Variants in OSMR observed in about 807,000 individuals in gnomAD.
OSMR encodes the protein oncostatin M receptor, also known as oncostatin-M-specific receptor subunit beta.
OSMR carries 81 observed loss-of-function variants against 99.9 expected under a neutral mutation model. That is an observed-to-expected ratio of 0.81 (90% CI 0.68 to 0.97). OSMR has a LOEUF of 0.97. Among genes scored for constraint, OSMR ranks in the 50% least tolerant of loss-of-function variants. The pLI is 0.00. For synonymous variants in OSMR, 406 were observed against 410.4 expected, an observed-to-expected ratio of 0.99 and a Z score of 0.13; for missense variants, 1,099 against 1,153.4, an observed-to-expected ratio of 0.95 and a Z score of 0.68.
intron 12 of OSMR, among the ~76,000 whole-genome samples, chr5:38,922,777 T>A (rs1406786223): frequency 1.3e-5 from 2 of 152,102 alleles, no homozygotes; most frequent in Non-Finnish European, 2.9e-5. Context: ...TTCATTCTTT[T>A]TTGGGGGGTG....
rs1328328871 is a variant in OSMR at position 38,883,619 on chromosome 5, G to A, written c.419-208G>A. 5 of 751,274 alleles carry A rather than the reference G, an allele frequency of 6.7e-6. No homozygotes were observed. In the Admixed American group the frequency reaches 2.5e-4, roughly 38 times the overall value. The allele number at this position is 751,274 out of a possible 1,614,324, so 46.5% of individuals were successfully genotyped here. A position where few individuals can be genotyped will look rare whatever the true frequency, so the allele number is the denominator to read the frequency against. On this transcript the variant is annotated intron_variant, in intron 4 of 17. Coordinates refer to ENST00000274276, the MANE Select transcript of OSMR (RefSeq NM_003999.3). Reference sequence around the variant, plus strand: ...GTCTGTGGCAGTAAGAGCAACAGCAGTGGTATCAGTGTAACAATAGGAGCA... The same window carrying A: ...GTCTGTGGCAGTAAGAGCAACAGCAATGGTATCAGTGTAACAATAGGAGCA...
intron 1 of OSMR, among the ~76,000 whole-genome samples, chr5:38,868,426 C>T (rs1016032566): frequency 6.6e-5 from 10 of 152,162 alleles, no homozygotes; most frequent in Admixed American, 6.5e-4. Flanking sequence ...CCAGAATTCC[C>T]ACGTGTTGTG....
At chr5:38,852,741 T>TTTTTA in intron 1 of OSMR, among the ~76,000 whole-genome samples, 1 of 102,004 alleles carries the variant, frequency 9.8e-6, no homozygotes, top group Admixed American at 1.0e-4. Context: ...TTTTTTTTTT[T>TTTTTA]TTTTTTTGAG....
At chr5:38,883,765 C>T in intron 4 of OSMR, 62 bp from the exon 5 acceptor site, 1 of 1,610,768 alleles carries the variant, frequency 6.2e-7, no homozygotes, top group Non-Finnish European at 8.5e-7. Context: ...AAATGGATAA[C>T]TTGTTTTAAG....
rs569074973 is a variant in OSMR at position 38,853,226 on chromosome 5, C to T, written c.-14+6839C>T. ...ATGGTTTTATTCCTTGCATTGATAT[C>T]TTTGTTCATCTGGAATTTATTTTGC... On this transcript the variant is annotated intron_variant, in intron 1 of 17. Transcript: ENST00000274276. Among the ~76,000 whole-genome samples the T allele has an allele frequency of 6.6e-5, 10 of 152,158 alleles. No individual in the cohort carries two copies. In the South Asian group the frequency reaches 1.7e-3, roughly 25 times the overall value.
chr5:38,920,479 C>T (rs567103037), intron 11 of OSMR, among the ~76,000 whole-genome samples: 12 of 152,164 alleles, frequency 7.9e-5, no homozygotes, highest in Non-Finnish European at 1.6e-4. Flanking sequence ...TGAAAAATGT[C>T]GGCCTTAATA....
chr5:38,897,074 G>C (rs1008402159), intron 7 of OSMR, among the ~76,000 whole-genome samples: 1 of 151,910 alleles, frequency 6.6e-6, no homozygotes. Context: ...GAGGATTTTT[G>C]TATCAATATT....
chr5:38,939,208 A>G (rs1383069805), downstream of OSMR: 1 of 232,980 alleles, frequency 4.3e-6, no homozygotes, highest in Non-Finnish European at 8.5e-6. Context: ...AAATGTAAAT[A>G]AGCATTGATA....
chr5:38,938,320 A>G (rs146274682), downstream of OSMR: 1,106 of 228,052 alleles, frequency 4.8e-3, 16 homozygotes, highest in African/African-American at 0.021. Flanking sequence ...TTTCAAAACT[A>G]GTTTACACCA....
At chr5:38,850,868 C>T (rs1740298162) in intron 1 of OSMR, among the ~76,000 whole-genome samples, 1 of 152,194 alleles carries the variant, frequency 6.6e-6, no homozygotes, top group Non-Finnish European at 1.5e-5. Context: ...ATATATACTT[C>T]AGTGTGTCTG....
rs775399421 is a variant in OSMR, at chr5:38,932,551, T to C, written c.2367+16T>C. ...AAAATTCAAGGTAAATGTTGGCAAA[T>C]TGTATGTATACCATATACCTATTAA... On this transcript the variant is annotated intron_variant, in intron 17 of 17. Transcript: ENST00000274276. The C allele has an allele frequency of 1.9e-5, 31 of 1,604,784 alleles. No homozygotes were observed. Among genetic ancestry groups the C allele is most frequent in the Middle Eastern group, 3.3e-4 (2 of 6,072 alleles).
At chr5:38,906,357 A>G (rs1184339551) in intron 9 of OSMR, among the ~76,000 whole-genome samples, 1 of 152,110 alleles carries the variant, frequency 6.6e-6, no homozygotes, top group Non-Finnish European at 1.5e-5. Context: ...ATTTTTTATT[A>G]CTTCTGATCA....
downstream of OSMR, chr5:38,939,024 T>C (rs1174888605): frequency 4.3e-6 from 1 of 233,030 alleles, no homozygotes; most frequent in Non-Finnish European, 8.5e-6. Context: ...CAAAGTAGTT[T>C]ACAAAGTTCA....
At position 38,924,468 on chromosome 5, in the gene OSMR, C is replaced by A; in HGVS notation, c.1917C>A (p.His639Gln). The change falls in exon 14 of 18, where the codon CAC becomes CAA. Residue 639 changes from histidine to glutamine, a missense_variant. By Grantham distance (24) the His-to-Gln change is conservative. Coordinates refer to ENST00000274276, the MANE Select transcript of OSMR (RefSeq NM_003999.3). ...TGCTGGTGGATACATTGACATCCCACTCCTTCACTCTGAGTTGGAAAGATT... is the reference window on the plus strand; with the variant it reads ...TGCTGGTGGATACATTGACATCCCAATCCTTCACTCTGAGTTGGAAAGATT... Reference protein sequence around the residue: ...PHVLVDTLTSHSFTLSWKDYS... With the variant: ...PHVLVDTLTSQSFTLSWKDYS... 6.2e-7 allele frequency: 1 copy of A among 1,613,978 alleles called. No individual in the cohort carries two copies.
chr5:38,907,362 T>C (rs1745311893), intron 9 of OSMR, among the ~76,000 whole-genome samples: 1 of 152,130 alleles, frequency 6.6e-6, no homozygotes, highest in Admixed American at 6.5e-5. Context: ...AAGAGCTTCT[T>C]AGAGAGGTAG....
chr5:38,944,965 C>T (rs780921179), exon 3 of OSMR: 32 of 1,613,758 alleles, frequency 2.0e-5, no homozygotes, highest in Admixed American at 3.3e-5. Flanking sequence ...CTTGAGACAC[C>T]CCATCACTGC....
intron 7 of OSMR, among the ~76,000 whole-genome samples, chr5:38,891,903 G>A (rs1177766572): frequency 6.6e-6 from 1 of 152,038 alleles, no homozygotes; most frequent in Non-Finnish European, 1.5e-5. Context: ...GTGGCTCTGC[G>A]TTCCTCCAGG....
chr5:38,866,555 C>A (rs992684636), intron 1 of OSMR, among the ~76,000 whole-genome samples: 8 of 152,166 alleles, frequency 5.3e-5, no homozygotes, highest in African/African-American at 1.7e-4. Context: ...GGGGACACAG[C>A]CACACTGCTG....
At chr5:38,885,929 G>A (rs970915939) in intron 6 of OSMR, 110 bp from the exon 7 acceptor site, 5 of 1,506,228 alleles carry the variant, frequency 3.3e-6, no homozygotes, top group Non-Finnish European at 1.8e-6. Flanking sequence ...GCCATTATGG[G>A]GAACATAGTT....
Sources: gnomAD v4.1 joint callset for allele counts (sites outside exome capture counted in the v4.1 genomes callset) on GRCh38, gnomAD v4.1.1 for gene constraint, MANE v1.5 for transcripts, NCBI Gene and HGNC (gene_info 2026-07-23, HGNC 2026-07-21) for gene names.